Variants in EPHA5 observed in about 807,000 individuals in gnomAD.
The protein encoded by EPHA5 is ephrin type-A receptor 5.
A neutral mutation model predicts 105.0 loss-of-function variants in EPHA5; 60 were observed. That is an observed-to-expected ratio of 0.57 (90% CI 0.46 to 0.71). EPHA5 has a LOEUF of 0.71. EPHA5 is among the 30% of genes least tolerant of loss of function. The probability of loss-of-function intolerance (pLI) is 0.00; values close to 1 mark genes in which losing one functional copy is unlikely to be tolerated. For missense variants in EPHA5, 1,218 were observed against 1,274.7 expected (o/e 0.96, Z 0.68); for synonymous variants, 513 against 449.1 (o/e 1.14, Z -1.80).
chr4:65,626,744 A>G (rs1746195128), intron 2 of EPHA5, among the ~76,000 whole-genome samples: 1 of 152,194 alleles, frequency 6.6e-6, no homozygotes, highest in South Asian at 2.1e-4. Context: ...TTTTTAGAAG[A>G]CATTTGTTCA....
rs145354824 is a variant in EPHA5 at position 65,499,754 on chromosome 4, T to C, written c.911-4211A>G. Reference sequence around the variant, plus strand: ...TTATTTCCTGTATTTGAGAAACTTTTCTTCTGCCTCTGAACACTGTAGGAA... The same window carrying C: ...TTATTTCCTGTATTTGAGAAACTTTCCTTCTGCCTCTGAACACTGTAGGAA... On this transcript the variant is annotated intron_variant, in intron 3 of 16. Coordinates refer to ENST00000613740, the MANE Select transcript of EPHA5 (RefSeq NM_001281766.3). Among the ~76,000 whole-genome samples the C allele has an allele frequency of 6.3e-4, 96 of 151,634 alleles. 2 individuals carry two copies. The highest frequency in any genetic ancestry group is 2.2e-3 in the African/African-American group (91 of 41,500).
intron 5 of EPHA5, among the ~76,000 whole-genome samples, chr4:65,479,011 T>A (rs1730099549): frequency 6.6e-6 from 1 of 152,192 alleles, no homozygotes; most frequent in African/African-American, 2.4e-5. Flanking sequence ...CCTCTTTCCA[T>A]TTTACTTTAC....
chr4:65,469,507 A>C (rs1729078625), intron 5 of EPHA5, among the ~76,000 whole-genome samples: 1 of 152,168 alleles, frequency 6.6e-6, no homozygotes. Context: ...GGCAATTAAA[A>C]ACAAAAACAA....
At chr4:65,629,729 A>C (rs917349841) in intron 2 of EPHA5, among the ~76,000 whole-genome samples, 1 of 152,080 alleles carries the variant, frequency 6.6e-6, no homozygotes, top group Non-Finnish European at 1.5e-5. Context: ...GCTCTCCTTA[A>C]CTGTAGTGAT....
At chr4:65,476,121 AGAGAGAGT>A (rs1729779406) in intron 5 of EPHA5, among the ~76,000 whole-genome samples, 1 of 133,072 alleles carries the variant, frequency 7.5e-6, no homozygotes, top group African/African-American at 2.9e-5. Flanking sequence ...AGAGAGAGAG[AGAGAGAGT>A]GTGTGTGTGT....
intron 12 of EPHA5, among the ~76,000 whole-genome samples, chr4:65,352,200 G>A (rs780473998): frequency 6.6e-6 from 1 of 151,960 alleles, no homozygotes; most frequent in Non-Finnish European, 1.5e-5. Flanking sequence ...GTACTTAAAG[G>A]TATGGTTAGA....
At chr4:65,457,741 A>G (rs1180661623) in intron 5 of EPHA5, among the ~76,000 whole-genome samples, 4 of 152,162 alleles carry the variant, frequency 2.6e-5, no homozygotes, top group Non-Finnish European at 5.9e-5. Flanking sequence ...ATCAACAAGT[A>G]AAATTATTCG....
intron 3 of EPHA5, among the ~76,000 whole-genome samples, chr4:65,498,365 C>G (rs1253217068): frequency 1.3e-5 from 2 of 151,782 alleles, no homozygotes; most frequent in African/African-American, 4.8e-5. Context: ...GTTTAACTGA[C>G]AAATGAAAAT....
chr4:65,333,760 TG>T (rs1720913699), intron 15 of EPHA5, among the ~76,000 whole-genome samples: 1 of 151,658 alleles, frequency 6.6e-6, no homozygotes, highest in African/African-American at 2.4e-5. Context: ...TAAAAATTTT[TG>T]TTTCCAGACT....
intron 11 of EPHA5, among the ~76,000 whole-genome samples, chr4:65,355,869 C>A (rs1352154430): frequency 6.6e-6 from 1 of 151,490 alleles, no homozygotes; most frequent in Admixed American, 6.6e-5. Context: ...CAAAGATCAG[C>A]CCTAATCTAA....
At chr4:65,556,969 ATAT>A (rs909530624) in intron 3 of EPHA5, among the ~76,000 whole-genome samples, 1 of 151,904 alleles carries the variant, frequency 6.6e-6, no homozygotes, top group African/African-American at 2.4e-5. Flanking sequence ...CTCTGTCAAA[ATAT>A]TATTAATGAA....
intron 5 of EPHA5, among the ~76,000 whole-genome samples, chr4:65,430,931 C>T (rs1205672794): frequency 2.0e-5 from 3 of 152,078 alleles, no homozygotes; most frequent in Non-Finnish European, 2.9e-5. Context: ...TTGATAAAAA[C>T]TAAGCAACTT....
At position 65,553,761 on chromosome 4, in the gene EPHA5, G is replaced by A. The variant is rs575147485; in HGVS notation, c.910+47880C>T. On this transcript the variant is annotated intron_variant, in intron 3 of 16. Transcript: ENST00000613740. ...CAGTGCATATATTACATTTTCGGAT[G>A]TAGGACCTCAAGTGTTTTGAAATAA... 5.9e-5 allele frequency among the ~76,000 whole-genome samples: 9 copies of A among 152,126 alleles called. No individual in the cohort carries two copies. In the South Asian group the frequency reaches 1.9e-3, roughly 31 times the overall value.
At chr4:65,543,627 C>A (rs186922057) in intron 3 of EPHA5, among the ~76,000 whole-genome samples, 27 of 151,912 alleles carry the variant, frequency 1.8e-4, no homozygotes, top group African/African-American at 6.0e-4. Context: ...GAATCAATAT[C>A]ACGAAAATGG....
chr4:65,615,628 T>C (rs1231904301), intron 2 of EPHA5, among the ~76,000 whole-genome samples: 1 of 151,770 alleles, frequency 6.6e-6, no homozygotes, highest in Non-Finnish European at 1.5e-5. Context: ...AGAAAATACA[T>C]GAAAAGACAA....
In EPHA5 at chr4:65,537,425, G is replaced by A. The variant is rs1736394218; in HGVS notation, c.911-41882C>T. Among the ~76,000 whole-genome samples the A allele has an allele frequency of 2.0e-5, 3 of 151,798 alleles. No individual in the cohort carries two copies. The South Asian group carries it at 6.2e-4, about 31-fold the overall frequency. ...TAATGTGGCACTAATCCCTGCCACTGTAGCAAAACCTGCCAGAGAATGCTT... is the reference window on the plus strand; with the variant it reads ...TAATGTGGCACTAATCCCTGCCACTATAGCAAAACCTGCCAGAGAATGCTT... On this transcript the variant is annotated intron_variant, in intron 3 of 16. Transcript: ENST00000613740.
intron 2 of EPHA5, among the ~76,000 whole-genome samples, chr4:65,615,963 T>C (rs1253410481): frequency 6.6e-6 from 1 of 151,894 alleles, no homozygotes; most frequent in Non-Finnish European, 1.5e-5. Flanking sequence ...ACAACTTACG[T>C]CCACAGAAAT....
intron 16 of EPHA5, chr4:65,331,418 T>C (rs1016112582): frequency 6.7e-6 from 7 of 1,045,910 alleles, no homozygotes; most frequent in African/African-American, 1.7e-5. Flanking sequence ...CCACTGAGAT[T>C]GTACCAAATA....
intron 15 of EPHA5, among the ~76,000 whole-genome samples, chr4:65,334,511 A>G (rs1720981582): frequency 6.6e-6 from 1 of 152,008 alleles, no homozygotes; most frequent in African/African-American, 2.4e-5. Flanking sequence ...ATACTGGAAT[A>G]TCATCTACAT....
Sources: allele counts gnomAD v4.1 joint callset (sites outside exome capture counted in the v4.1 genomes callset), GRCh38; gene constraint gnomAD v4.1.1; transcripts MANE v1.5; gene names NCBI Gene and HGNC (gene_info 2026-07-23, HGNC 2026-07-21).